CFAP44: variants seen among roughly 807,000 people sequenced by gnomAD.
CFAP44 encodes cilia- and flagella-associated protein 44.
Under a neutral mutation model 216.2 loss-of-function variants are expected in CFAP44, and 134 were observed. The observed-to-expected ratio is 0.62, with a 90% CI of 0.54 to 0.72. The LOEUF (loss-of-function observed/expected upper bound fraction) is 0.72, where lower values mean the gene tolerates loss of function less well. Ranked by LOEUF, CFAP44 falls within the 30% of genes least tolerant of loss-of-function variation. The pLI is 0.00. For missense variants in CFAP44, 2,035 were observed against 2,182.1 expected, an observed-to-expected ratio of 0.93 and a Z score of 1.34; for synonymous variants, 700 against 727.6, an observed-to-expected ratio of 0.96 and a Z score of 0.61.
intron 6 of CFAP44, among the ~76,000 whole-genome samples, chr3:113,410,978 C>A (rs1261288033): frequency 6.6e-6 from 1 of 152,116 alleles, no homozygotes; most frequent in Non-Finnish European, 1.5e-5. Context: ...TATCCTTCAC[C>A]CACTTTTTGA....
intron 2 of CFAP44, among the ~76,000 whole-genome samples, chr3:113,428,456 A>C (rs1490878310): frequency 6.6e-6 from 1 of 152,234 alleles, no homozygotes; most frequent in Non-Finnish European, 1.5e-5. Context: ...AAGTAGGCAC[A>C]TTAAATCAAG....
chr3:113,303,881 A>C, intron 32 of CFAP44, 35 bp downstream of exon 32: 1 of 1,532,866 alleles, frequency 6.5e-7, no homozygotes, highest in Non-Finnish European at 8.7e-7. Flanking sequence ...TTACCAATAA[A>C]CCTTACTAGC....
chr3:113,415,784 T>G (rs1051756584), intron 6 of CFAP44, among the ~76,000 whole-genome samples: 1 of 152,156 alleles, frequency 6.6e-6, no homozygotes, highest in African/African-American at 2.4e-5. Flanking sequence ...TCCAATTATG[T>G]GGTCGATTTT....
At position 113,305,051 on chromosome 3, in the gene CFAP44, C is replaced by A. The variant is rs62001862; in HGVS notation, c.4860G>T (p.Pro1620=). Residue 1620 remains proline, a synonymous_variant, in exon 31 of 35, where the codon CCG becomes CCT. Transcript: ENST00000393845. ...QRLNELLVVI[P]LKLHQIEYVV... The stretch of plus-strand genomic sequence containing the variant: ...GACGCATCACCTGGTGGAGCTTGAG[C>A]GGAATCACAACTAGCAGTTCATTCA... 1.3e-6 allele frequency: 2 copies of A among 1,537,186 alleles called. No homozygotes were observed. The highest frequency in any genetic ancestry group is 1.2e-5 in the South Asian group (1 of 84,062).
Position 113,427,732 on chromosome 3 carries a change from G to C in CFAP44, c.101-393C>G, listed in dbSNP as rs1011126895. The C allele has an allele frequency of 5.2e-5, 9 of 171,568 alleles. No individual in the cohort carries two copies. In the South Asian group the frequency reaches 1.4e-3, roughly 27 times the overall value. 10.6% of individuals were successfully genotyped at this position (171,568 alleles called of 1,614,324 possible). On this transcript the variant is annotated intron_variant, in intron 2 of 34. Transcript: ENST00000393845. ...TTCTCTGAGTATGCTGATTTCTCTTGGAAGTGATATCCCAGGAATAAGTTG... is the reference window on the plus strand; with the variant it reads ...TTCTCTGAGTATGCTGATTTCTCTTCGAAGTGATATCCCAGGAATAAGTTG...
intron 25 of CFAP44, among the ~76,000 whole-genome samples, chr3:113,331,129 T>G (rs1344838031): frequency 6.6e-6 from 1 of 152,206 alleles, no homozygotes; most frequent in Non-Finnish European, 1.5e-5. Context: ...CCTATTTTCA[T>G]TCTGTATTTT....
At position 113,325,257 on chromosome 3, in the gene CFAP44, C is replaced by T. The variant is rs112777073; in HGVS notation, c.4516+1188G>A. Reference sequence around the variant, plus strand: ...CGGAGCTTGCAGTGAGCCGAGATCACGCCACTGCACTCCAGCCTGGGTGAC... The same window carrying T: ...CGGAGCTTGCAGTGAGCCGAGATCATGCCACTGCACTCCAGCCTGGGTGAC... On this transcript the variant is annotated intron_variant, in intron 28 of 34. Transcript: ENST00000393845. 5.3e-3 allele frequency among the ~76,000 whole-genome samples: 775 copies of T among 145,808 alleles called. 4 individuals are homozygous for T. Among genetic ancestry groups the T allele is most frequent in the African/African-American group, 0.018 (719 of 39,448 alleles).
chr3:113,345,910 T>C (rs1300100253), intron 22 of CFAP44, among the ~76,000 whole-genome samples: 4 of 152,230 alleles, frequency 2.6e-5, no homozygotes, highest in Admixed American at 6.5e-5. Flanking sequence ...TAATTTTCCC[T>C]TTTCTTTCAT....
chr3:113,338,692 G>A (rs1014562628), intron 24 of CFAP44, among the ~76,000 whole-genome samples: 2 of 152,174 alleles, frequency 1.3e-5, no homozygotes, highest in Non-Finnish European at 2.9e-5. Flanking sequence ...GTCTCACAGG[G>A]TCATCTGAAA....
chr3:113,440,895 T>G (rs1935345613), intron 1 of CFAP44, among the ~76,000 whole-genome samples: 1 of 152,232 alleles, frequency 6.6e-6, no homozygotes, highest in Admixed American at 6.5e-5. Context: ...CATGATAGAC[T>G]GGACACACTG....
intron 34 of CFAP44, 43 bp from the exon 35 acceptor site, chr3:113,291,791 T>C (rs1949831836): frequency 6.5e-7 from 1 of 1,531,228 alleles, no homozygotes; most frequent in Non-Finnish European, 8.7e-7. Flanking sequence ...TCATTTGGCA[T>C]GTGAAAAACT....
intron 33 of CFAP44, among the ~76,000 whole-genome samples, chr3:113,295,940 C>A (rs571231579): frequency 6.6e-6 from 1 of 152,194 alleles, no homozygotes; most frequent in Non-Finnish European, 1.5e-5. Flanking sequence ...TGTACATGTA[C>A]AAGTCTGTGA....
At chr3:113,306,134 G>T in intron 30 of CFAP44, 67 bp downstream of exon 30, 1 of 1,466,628 alleles carries the variant, frequency 6.8e-7, no homozygotes, top group Non-Finnish European at 9.0e-7. Flanking sequence ...GCTATAAAAA[G>T]GCAATATTAT....
chr3:113,341,873 T>C lies in CFAP44; in HGVS notation c.3308A>G (p.Lys1103Arg). The change falls in exon 24 of 35, where the codon AAG (lysine) becomes AGG (arginine). Residue 1103 changes from lysine to arginine, a missense_variant. Physicochemically the swap from Lys to Arg is conservative, Grantham distance 26. Coordinates refer to ENST00000393845, the MANE Select transcript of CFAP44 (RefSeq NM_001164496.2). ...IQEESIIEKG[K>R]KFRPKTLSEI... is the part of the protein sequence containing the mutation. The stretch of plus-strand genomic sequence containing the variant: ...ACTTAGGGTTTTAGGCCGAAATTTC[T>C]TCCCTTTTTCTATTATTGATTCTTC... 3 of 1,531,562 alleles carry C rather than the reference T, an allele frequency of 2.0e-6. No individual in the cohort carries two copies. Among genetic ancestry groups the C allele is most frequent in the Non-Finnish European group, 2.6e-6 (3 of 1,145,734 alleles). 94.9% of individuals were successfully genotyped at this position (1,531,562 alleles called of 1,614,324 possible).
At chr3:113,431,536 G>T (rs1045105587) in intron 2 of CFAP44, among the ~76,000 whole-genome samples, 3 of 152,040 alleles carry the variant, frequency 2.0e-5, no homozygotes, top group African/African-American at 7.2e-5. Context: ...AACTAGGGGG[G>T]AACAAACTAA....
chr3:113,386,907 C>G lies in CFAP44; in HGVS notation c.1891-5847G>C, dbSNP rs926544822. 8.5e-5 allele frequency among the ~76,000 whole-genome samples: 13 copies of G among 152,170 alleles called. 1 individual carries two copies. The highest frequency in any genetic ancestry group is 2.9e-5 in the Non-Finnish European group (2 of 68,038). On this transcript the variant is annotated intron_variant, in intron 15 of 34. Transcript: ENST00000393845. ...GAAGGACAGAGCAATAACTGTGAGA[C>G]TGCATCAGAACACAGTGCTGCCTGT...
chr3:113,437,441 A>C (rs1050084334), intron 1 of CFAP44, among the ~76,000 whole-genome samples: 2 of 152,220 alleles, frequency 1.3e-5, no homozygotes, highest in African/African-American at 2.4e-5. Context: ...CCACAACAAA[A>C]GGTAAGTTGG....
chr3:113,426,781 A>T, intron 3 of CFAP44: 1 of 210,616 alleles, frequency 4.7e-6, no homozygotes, highest in Admixed American at 5.6e-5. Context: ...GCTGGAAGAT[A>T]GGAAGCAGTC....
In CFAP44 at chr3:113,379,384, A is replaced by G; in HGVS notation, c.2220T>C (p.Pro740=). 6.2e-7 allele frequency: 1 copy of G among 1,613,016 alleles called. No individual in the cohort carries two copies. Among genetic ancestry groups the G allele is most frequent in the Non-Finnish European group, 8.5e-7 (1 of 1,179,382 alleles). Residue 740 remains proline (P), a synonymous_variant, in exon 17 of 35, where the codon CCT becomes CCC. Coordinates refer to ENST00000393845, the MANE Select transcript of CFAP44 (RefSeq NM_001164496.2). The stretch of plus-strand genomic sequence containing the variant: ...AGGGGGTTGACGGAATAAATATTTC[A>G]GGTAATGGCTCTTCTTCCTCCTCCT... ...EEEEEEEEPL[P]EIFIPSTPSP...
Sources: gnomAD v4.1 joint callset for allele counts (sites outside exome capture counted in the v4.1 genomes callset) on GRCh38, gnomAD v4.1.1 for gene constraint, MANE v1.5 for transcripts, NCBI Gene and HGNC (gene_info 2026-07-23, HGNC 2026-07-21) for gene names.